The following ATRNL1 variants were observed in gnomAD, a reference collection of about 807,000 sequenced individuals.
The protein encoded by ATRNL1 is attractin-like protein 1.
Under a neutral mutation model 182.7 loss-of-function variants are expected in ATRNL1, and 95 were observed. That is an observed-to-expected ratio of 0.52 (90% confidence interval 0.44 to 0.62). ATRNL1 has a LOEUF of 0.62. ATRNL1 is among the 20% of genes least tolerant of loss of function. ATRNL1 has a pLI of 0.00. For synonymous variants in ATRNL1, 576 were observed against 568.3 expected, an observed-to-expected ratio of 1.01 and a Z score of -0.19; for missense variants, 1,471 against 1,679.5, an observed-to-expected ratio of 0.88 and a Z score of 2.17.
At chr10:115,809,555 C>G (rs1950000290) in intron 27 of ATRNL1, among the ~76,000 whole-genome samples, 1 of 151,942 alleles carries the variant, frequency 6.6e-6, no homozygotes, top group Admixed American at 6.6e-5. Flanking sequence ...TTTGATACTA[C>G]TATAAATGGT....
At chr10:115,772,971 C>T (rs1949032607) in intron 27 of ATRNL1, among the ~76,000 whole-genome samples, 1 of 152,108 alleles carries the variant, frequency 6.6e-6, no homozygotes, top group Admixed American at 6.6e-5. Flanking sequence ...TCAACCACAG[C>T]CAATAGGCGG....
intron 3 of ATRNL1, among the ~76,000 whole-genome samples, chr10:115,125,755 T>C (rs1465949068): frequency 6.6e-6 from 1 of 152,234 alleles, no homozygotes; most frequent in Non-Finnish European, 1.5e-5. Context: ...CAGTTCAACG[T>C]GAAGGCCTTG....
chr10:115,130,840 A>G (rs991836952), intron 5 of ATRNL1, among the ~76,000 whole-genome samples: 1 of 152,070 alleles, frequency 6.6e-6, no homozygotes, highest in African/African-American at 2.4e-5. Flanking sequence ...GTATTTTTCA[A>G]ACTGGTCTTC....
intron 26 of ATRNL1, among the ~76,000 whole-genome samples, chr10:115,723,656 C>G (rs1278878858): frequency 1.3e-5 from 2 of 151,904 alleles, no homozygotes; most frequent in Non-Finnish European, 2.9e-5. Context: ...TCAAGTGATT[C>G]TCGTGTCTCA....
In ATRNL1 at chr10:115,433,137, T is replaced by C. The variant is rs545315505; in HGVS notation, c.3322+6835T>C. Reference sequence around the variant, plus strand: ...GTTGAATTTCTTTTATTAGAGTTTCTTTTATTTAGAGTTCATGGTGGAATT... The same window carrying C: ...GTTGAATTTCTTTTATTAGAGTTTCCTTTATTTAGAGTTCATGGTGGAATT... On this transcript the variant is annotated intron_variant, in intron 21 of 28. Transcript: ENST00000355044. 3.3e-5 allele frequency among the ~76,000 whole-genome samples: 5 copies of C among 152,204 alleles called. No homozygotes were observed. In the South Asian group the frequency reaches 1.0e-3, roughly 32 times the overall value.
intron 24 of ATRNL1, among the ~76,000 whole-genome samples, chr10:115,488,352 G>A (rs114497604): frequency 0.032 from 4,813 of 152,130 alleles, 249 homozygotes; most frequent in African/African-American, 0.11. Flanking sequence ...ATCTGGTAGT[G>A]GACTTTTTTT....
chr10:115,188,120 A>G (rs1232281475), intron 8 of ATRNL1, among the ~76,000 whole-genome samples: 2 of 151,980 alleles, frequency 1.3e-5, no homozygotes, highest in African/African-American at 4.8e-5. Flanking sequence ...AGAGGGAGAA[A>G]GAATTAATGA....
chr10:115,533,666 T>G (rs1851758853), intron 25 of ATRNL1, among the ~76,000 whole-genome samples: 1 of 151,856 alleles, frequency 6.6e-6, no homozygotes, highest in South Asian at 2.1e-4. Context: ...TGTTTGCTCT[T>G]GCTTTTCTAG....
intron 26 of ATRNL1, among the ~76,000 whole-genome samples, chr10:115,696,891 G>GAGAGAGAC (rs1555049982): frequency 6.6e-6 from 1 of 150,864 alleles, no homozygotes; most frequent in African/African-American, 2.5e-5. Context: ...GAGAGAGAGA[G>GAGAGAGAC]AGAGAGAGCG....
At chr10:115,625,405 C>T (rs1350506155) in intron 26 of ATRNL1, among the ~76,000 whole-genome samples, 1 of 152,140 alleles carries the variant, frequency 6.6e-6, no homozygotes, top group East Asian at 1.9e-4. Flanking sequence ...TATTTCCACA[C>T]TCATAATTTA....
intron 5 of ATRNL1, among the ~76,000 whole-genome samples, chr10:115,147,016 T>C (rs782668047): frequency 1.4e-4 from 22 of 152,250 alleles, no homozygotes; most frequent in Non-Finnish European, 1.9e-4. Flanking sequence ...GATCATATGA[T>C]AGTTCTATTT....
intron 1 of ATRNL1, among the ~76,000 whole-genome samples, chr10:115,111,316 A>G (rs1299521276): frequency 2.0e-5 from 3 of 152,252 alleles, no homozygotes; most frequent in Non-Finnish European, 2.9e-5. Flanking sequence ...AGAATTATAG[A>G]GCTCAGAATC....
chr10:115,750,644 A>G lies in ATRNL1; in HGVS notation c.3903+23289A>G, dbSNP rs544014983. Among the ~76,000 whole-genome samples the G allele has an allele frequency of 2.7e-3, 413 of 152,118 alleles. 5 individuals are homozygous for G. The highest frequency in any genetic ancestry group is 9.5e-3 in the African/African-American group (395 of 41,560). On this transcript the variant is annotated intron_variant, in intron 27 of 28. Coordinates refer to ENST00000355044, the MANE Select transcript of ATRNL1 (RefSeq NM_207303.4). ...GAAAATTTAGAAAAAAAAACTTTTT[A>G]TACTAAAATAATTGCAAATATTTTT...
intron 25 of ATRNL1, among the ~76,000 whole-genome samples, chr10:115,534,982 T>A (rs1470129495): frequency 1.3e-5 from 2 of 152,218 alleles, no homozygotes; most frequent in Non-Finnish European, 2.9e-5. Context: ...GATCCGCTGT[T>A]AGTCTGATGG....
chr10:115,495,890 T>C (rs1262649686), intron 24 of ATRNL1, among the ~76,000 whole-genome samples: 1 of 152,184 alleles, frequency 6.6e-6, no homozygotes, highest in African/African-American at 2.4e-5. Flanking sequence ...GTTTTCTGCC[T>C]TGATGATCTG....
In ATRNL1 at chr10:115,462,482, C is replaced by T. The variant is rs542040811; in HGVS notation, c.3417+447C>T. ...CAAAAATTAGCTAGGCATGATGGTG[C>T]GCGCCTATAGTCCCAGCTACTGAGG... is the stretch of plus-strand genomic sequence containing the variant. On this transcript the variant is annotated intron_variant, in intron 22 of 28. Transcript: ENST00000355044. Among the ~76,000 whole-genome samples the T allele has an allele frequency of 5.3e-5, 8 of 151,960 alleles. No individual in the cohort carries two copies. In the South Asian group the frequency reaches 6.2e-4, roughly 12 times the overall value.
intron 26 of ATRNL1, among the ~76,000 whole-genome samples, chr10:115,554,000 AGT>A: frequency 6.6e-6 from 1 of 151,566 alleles, no homozygotes; most frequent in East Asian, 1.9e-4. Flanking sequence ...AAAATGTGAA[AGT>A]GTTATTTTAG....
chr10:115,646,944 T>TC (rs1174461890), intron 26 of ATRNL1, among the ~76,000 whole-genome samples: 3 of 21,152 alleles, frequency 1.4e-4, no homozygotes, highest in Non-Finnish European at 1.9e-4. Flanking sequence ...CCCTCCCCCC[T>TC]CCCCCCCTCC....
At chr10:115,264,168 G>C (rs190711918) in intron 10 of ATRNL1, among the ~76,000 whole-genome samples, 22 of 151,250 alleles carry the variant, frequency 1.5e-4, no homozygotes, top group Admixed American at 1.2e-3. Flanking sequence ...GTGCCATGTT[G>C]GTGTTCAGCA....
Sources: allele counts gnomAD v4.1 joint callset (sites outside exome capture counted in the v4.1 genomes callset), GRCh38; gene constraint gnomAD v4.1.1; transcripts MANE v1.5; gene names NCBI Gene and HGNC (gene_info 2026-07-23, HGNC 2026-07-21).